RBM5: variants seen among roughly 807,000 people sequenced by gnomAD.
The protein encoded by RBM5 is RNA binding motif protein 5, also known as RNA-binding protein 5.
RBM5 carries 15 observed loss-of-function variants against 124.6 expected under a neutral mutation model. The observed-to-expected ratio is 0.12, with a 90% CI of 0.08 to 0.19. The LOEUF (loss-of-function observed/expected upper bound fraction) is 0.19. Ranked by LOEUF, RBM5 falls within the 10% of genes least tolerant of loss-of-function variation. RBM5 has a pLI of 1.00. For synonymous variants in RBM5, 337 were observed against 361.2 expected (o/e 0.93, Z 0.76); for missense variants, 580 against 1,026.5 (o/e 0.57, Z 5.94).
intron 3 of RBM5, chr3:50,093,138 CAA>C (rs556944615): frequency 0.012 from 1,019 of 86,492 alleles, 13 homozygotes; most frequent in African/African-American, 0.042. Flanking sequence ...GACTCTGTCT[CAA>C]AAAAAAAAAA....
At chr3:50,115,737 T>C in intron 21 of RBM5, 130 bp downstream of exon 21, 1 of 1,262,148 alleles carries the variant, frequency 7.9e-7, no homozygotes, top group Admixed American at 2.3e-5. Context: ...CTGTTCCCGA[T>C]GACAGTGGAC....
At chr3:50,110,085 C>T (rs945825428) in intron 15 of RBM5, among the ~76,000 whole-genome samples, 2 of 152,312 alleles carry the variant, frequency 1.3e-5, no homozygotes, top group East Asian at 1.9e-4. Context: ...GTGGCACATG[C>T]CTGTAATCCC....
chr3:50,105,181 A>G, intron 9 of RBM5, 39 bp downstream of exon 9: 1 of 1,497,274 alleles, frequency 6.7e-7, no homozygotes, highest in Non-Finnish European at 9.3e-7. Context: ...CATGTTAAAA[A>G]TTGACCTCAG....
intron 4 of RBM5, among the ~76,000 whole-genome samples, chr3:50,096,702 A>G (rs991456355): frequency 6.6e-6 from 1 of 151,494 alleles, no homozygotes; most frequent in Non-Finnish European, 1.5e-5. Context: ...GCAATCCACC[A>G]GCCTCAGCCT....
chr3:50,116,986 C>A, intron 22 of RBM5, 88 bp from the exon 23 acceptor site: 1 of 1,221,158 alleles, frequency 8.2e-7, no homozygotes, highest in Non-Finnish European at 1.2e-6. Flanking sequence ...TTTAAAAATA[C>A]TTGAGGGGAT....
chr3:50,107,828 A>G (rs949636088), intron 12 of RBM5, among the ~76,000 whole-genome samples: 4 of 151,184 alleles, frequency 2.6e-5, no homozygotes, highest in Non-Finnish European at 5.9e-5. Flanking sequence ...CTGGGATTAC[A>G]GGTACCTGCC....
At chr3:50,095,803 C>T (rs1345391927) in intron 4 of RBM5, among the ~76,000 whole-genome samples, 1 of 151,898 alleles carries the variant, frequency 6.6e-6, no homozygotes, top group Non-Finnish European at 1.5e-5. Context: ...CCTCTGTGTC[C>T]CCAACCCTTG....
intron 22 of RBM5, chr3:50,116,185 C>T (rs909809386): frequency 1.8e-6 from 1 of 561,230 alleles, no homozygotes. Flanking sequence ...TAAGGGTGCA[C>T]AAGGCAGAAG....
rs2091193057 is a variant in RBM5, at chr3:50,113,929, GTGTT to G, written c.1618-16_1618-13del. ...CAGGGGATTAAATATTTTTTTGTTGGTGTTTGTTGTTTGACATTAGATTGCCAAA... is the reference window on the plus strand; with the variant it reads ...CAGGGGATTAAATATTTTTTTGTTGGTGTTGTTTGACATTAGATTGCCAAA... On this transcript the variant is annotated splice_polypyrimidine_tract_variant and intron_variant, in intron 18 of 24. Transcript: ENST00000347869. 1.2e-6 allele frequency: 2 copies of G among 1,603,556 alleles called. No homozygotes were observed. The highest frequency in any genetic ancestry group is 1.7e-6 in the Non-Finnish European group (2 of 1,175,820).
intron 17 of RBM5, among the ~76,000 whole-genome samples, chr3:50,112,308 C>T (rs959276659): frequency 1.4e-5 from 2 of 148,146 alleles, no homozygotes; most frequent in Admixed American, 6.8e-5. Context: ...CCCAGCTACT[C>T]GGGAGGCTGA....
intron 22 of RBM5, chr3:50,116,685 G>GATGTTGGAGGTATGCCTTTCCAA (rs1048861691): frequency 3.6e-6 from 1 of 276,512 alleles, no homozygotes; most frequent in Non-Finnish European, 7.0e-6. Context: ...AAGCCTCCTT[G>GATGTTGGAGGTATGCCTTTCCAA]ATGTTGGAGG....
At chr3:50,108,414 T>C (rs1241669372) in intron 14 of RBM5, 110 bp downstream of exon 14, 8 of 1,137,388 alleles carry the variant, frequency 7.0e-6, no homozygotes, top group Admixed American at 1.8e-5. Context: ...CTCTGTAAGA[T>C]TGTAGGGGGC....
At position 50,117,146 on chromosome 3, in the gene RBM5, A is replaced by C; in HGVS notation, c.2167A>C (p.Lys723Gln). Residue 723 changes from lysine (K) to glutamine (Q), a missense_variant, in exon 23 of 25, where the codon AAG (lysine) becomes CAG (glutamine). By Grantham distance (53) the Lys-to-Gln change is moderately conservative. This residue lies in a region of RBM5 where 234 missense variants were observed against 435.1 expected (regional missense o/e 0.54). Coordinates refer to ENST00000347869, the MANE Select transcript of RBM5 (RefSeq NM_005778.4). The surrounding 1 kb of genome is among the most constrained non-coding windows in gnomAD (Gnocchi z 4.2). ...GIPEPPEPKRKKQFDAGTVNY... is the reference protein window; with the variant it reads ...GIPEPPEPKRQKQFDAGTVNY... ...TCCAGAACCTCCAGAGCCCAAGCGC[A>C]AGAAGCAGTTTGATGCCGGCACTGT... is the stretch of plus-strand genomic sequence containing the variant. The C allele has an allele frequency of 6.2e-7, 1 of 1,614,214 alleles. No individual in the cohort carries two copies. Among genetic ancestry groups the C allele is most frequent in the Non-Finnish European group, 8.5e-7 (1 of 1,180,028 alleles).
chr3:50,107,892 G>A (rs1161657546), intron 12 of RBM5, among the ~76,000 whole-genome samples, 178 bp from the exon 13 acceptor site: 1 of 151,634 alleles, frequency 6.6e-6, no homozygotes, highest in African/African-American at 2.4e-5. Flanking sequence ...CACCACGTTG[G>A]CCAGGCTGGT....
At position 50,114,265 on chromosome 3, in the gene RBM5, A is replaced by G. The variant is rs751189232; in HGVS notation, c.1839+14A>G. ...AATCCCCTCAAAGTAAGGGAGTACCACCAGTGTTTTAAAGACCCTATCTGT... is the reference window on the plus strand; with the variant it reads ...AATCCCCTCAAAGTAAGGGAGTACCGCCAGTGTTTTAAAGACCCTATCTGT... On this transcript the variant is annotated intron_variant, in intron 20 of 24. Transcript: ENST00000347869. 15 of 1,595,112 alleles carry G rather than the reference A, an allele frequency of 9.4e-6. No individual in the cohort carries two copies. The highest frequency in any genetic ancestry group is 1.3e-5 in the Non-Finnish European group (15 of 1,175,148).
At chr3:50,097,673 T>C (rs2090847531) in intron 4 of RBM5, among the ~76,000 whole-genome samples, 1 of 152,166 alleles carries the variant, frequency 6.6e-6, no homozygotes. Context: ...TGGTCTGACA[T>C]TGGAACAAGC....
intron 24 of RBM5, 119 bp from the exon 25 acceptor site, chr3:50,118,212 A>G: frequency 1.5e-6 from 2 of 1,357,494 alleles, no homozygotes; most frequent in East Asian, 2.5e-5. Context: ...TTGTCTTCAT[A>G]TACAGTTTTC....
At chr3:50,112,882 T>A (rs962879745) in intron 17 of RBM5, 1 of 152,410 alleles carries the variant, frequency 6.6e-6, no homozygotes, top group Non-Finnish European at 1.5e-5. Flanking sequence ...AGATGGAGTC[T>A]TACTCTGTTG....
At chr3:50,103,615 T>C (rs1013644999) in intron 7 of RBM5, among the ~76,000 whole-genome samples, 3 of 152,076 alleles carry the variant, frequency 2.0e-5, no homozygotes, top group Non-Finnish European at 4.4e-5. Context: ...CACTGCACTC[T>C]AGCCTGGGTG....
Sources: gnomAD v4.1 joint callset for allele counts (sites outside exome capture counted in the v4.1 genomes callset) on GRCh38, gnomAD v4.1.1 for gene constraint, gnomAD v4.1.1 regional missense constraint, Gnocchi (gnomAD v3.1) non-coding constraint, MANE v1.5 for transcripts, NCBI Gene and HGNC (gene_info 2026-07-23, HGNC 2026-07-21) for gene names.